HERC2: variants seen among roughly 807,000 people sequenced by gnomAD.
HERC2 encodes the protein E3 ubiquitin-protein ligase HERC2.
In HERC2, 102 loss-of-function variants were observed where a neutral mutation model predicts 537.7. The observed-to-expected ratio is 0.19, with a 90% CI of 0.16 to 0.22. HERC2 has a LOEUF of 0.22. Among genes scored for constraint, HERC2 ranks in the 10% least tolerant of loss-of-function variants. HERC2 has a pLI of 1.00. For synonymous variants in HERC2, 2,224 were observed against 2,466.2 expected, an observed-to-expected ratio of 0.90 and a Z score of 2.91; for missense variants, 4,236 against 6,198.2, an observed-to-expected ratio of 0.68 and a Z score of 10.63.
intron 83 of HERC2, among the ~76,000 whole-genome samples, chr15:28,128,470 A>G (rs1019652428): frequency 1.3e-5 from 2 of 152,220 alleles, no homozygotes; most frequent in Non-Finnish European, 2.9e-5. Context: ...AAAGAATTAA[A>G]TAAGTCAAAT....
At chr15:28,155,562 T>G (rs943812180) in intron 69 of HERC2, among the ~76,000 whole-genome samples, 4 of 151,178 alleles carry the variant, frequency 2.6e-5, no homozygotes, top group Non-Finnish European at 1.5e-5. Flanking sequence ...CATAAATGTC[T>G]TCTTTTGAGA....
At chr15:28,197,269 T>C (rs1314106768) in intron 50 of HERC2, among the ~76,000 whole-genome samples, 3 of 152,292 alleles carry the variant, frequency 2.0e-5, no homozygotes, top group East Asian at 3.9e-4. Flanking sequence ...CAAGAGTTTA[T>C]AAAACTATAC....
Position 28,280,216 on chromosome 15 carries a change from T to C in HERC2, c.394A>G (p.Thr132Ala). The C allele has an allele frequency of 6.2e-7, 1 of 1,614,142 alleles. No homozygotes were observed. Among genetic ancestry groups the C allele is most frequent in the East Asian group, 2.2e-5 (1 of 44,878 alleles). Residue 132 changes from threonine (T) to alanine (A), a missense_variant, in exon 5 of 93, where the codon ACC becomes GCC. By Grantham distance (58) the Thr-to-Ala change is moderately conservative. Coordinates refer to ENST00000261609, the MANE Select transcript of HERC2 (RefSeq NM_004667.6). ...AGTCGCAGGGCTGAGAGGGTGGTGG[T>C]GGCTGACTGGACGGCCAGGGCCTGC... ...EQQALAVQSA[T>A]TTLSALRLKQ...
Position 28,214,830 on chromosome 15 carries a change from G to C in HERC2, c.6211-28C>G, listed in dbSNP as rs73362649. On this transcript the variant is annotated intron_variant, in intron 39 of 92. Transcript: ENST00000261609. The stretch of plus-strand genomic sequence containing the variant: ...GATAAAAGAAAATTTATAACGACAA[G>C]CATTAAAAAAAATCTGATGAGGAAA... 7,148 of 1,576,828 alleles carry C rather than the reference G, an allele frequency of 4.5e-3. 276 individuals are homozygous for C. In the African/African-American group the frequency reaches 0.087, roughly 19 times the overall value.
intron 2 of HERC2, among the ~76,000 whole-genome samples, chr15:28,305,750 C>A (rs9708257): frequency 4.0e-4 from 56 of 140,976 alleles, no homozygotes; most frequent in African/African-American, 1.4e-3. Context: ...CAACCTACAA[C>A]ATGGGAGAAA....
At chr15:28,187,342 G>GT (rs879425849) in intron 55 of HERC2, among the ~76,000 whole-genome samples, 16 of 147,248 alleles carry the variant, frequency 1.1e-4, no homozygotes, top group Non-Finnish European at 1.7e-4. Flanking sequence ...TTGTTTTTTT[G>GT]TTTTTTTTGA....
At position 28,214,184 on chromosome 15, in the gene HERC2, C is replaced by T; in HGVS notation, c.6447G>A (p.Leu2149=). 1 of 1,612,850 alleles carries T rather than the reference C, an allele frequency of 6.2e-7. No homozygotes were observed. The highest frequency in any genetic ancestry group is 8.5e-7 in the Non-Finnish European group (1 of 1,179,938). Residue 2149 remains leucine, a synonymous_variant, in exon 41 of 93, where the codon CTG becomes CTA. Coordinates refer to ENST00000261609, the MANE Select transcript of HERC2 (RefSeq NM_004667.6). ...SSTLAEEVVA[L]LRTLHSLTQW... is the part of the protein sequence containing the mutation. ...GAGTCAGGGAGTGCAGCGTGCGCAG[C>T]AGTGCCACCACCTCCTCCGCCAGTG...
intron 79 of HERC2, among the ~76,000 whole-genome samples, chr15:28,133,170 C>T (rs1244613365): frequency 6.6e-6 from 1 of 152,120 alleles, no homozygotes; most frequent in East Asian, 1.9e-4. Flanking sequence ...ATATGCAACT[C>T]CTAAAATAGT....
chr15:28,318,156 T>C (rs1385386473), intron 2 of HERC2, among the ~76,000 whole-genome samples: 3 of 152,174 alleles, frequency 2.0e-5, no homozygotes, highest in African/African-American at 7.2e-5. Context: ...ATAGTTCCTT[T>C]GCTTAACTGA....
intron 52 of HERC2, among the ~76,000 whole-genome samples, chr15:28,193,123 C>T (rs962997889): frequency 2.0e-5 from 3 of 152,060 alleles, no homozygotes; most frequent in African/African-American, 7.2e-5. Flanking sequence ...AATACAATGT[C>T]CAGTACATAA....
Position 28,142,931 on chromosome 15 carries a change from C to G in HERC2, c.11440G>C (p.Ala3814Pro). ...RALSFTGSAL[A>P]ALVKGLPEAL... ...TCTGGAAGACCTTTCACCAAAGCAG[C>G]AAGAGCACTACCTGTAAAACTCTAA... The change falls in exon 75 of 93, where the codon GCT becomes CCT. Residue 3814 changes from alanine to proline, a missense_variant. Ala to Pro is a conservative substitution (Grantham distance 27). Around this residue, in one of 27 missense-constraint regions of HERC2, gnomAD observed 23 missense variants for 60.0 expected, o/e 0.38. Coordinates refer to ENST00000261609, the MANE Select transcript of HERC2 (RefSeq NM_004667.6). 3.1e-6 allele frequency: 5 copies of G among 1,608,360 alleles called. No homozygotes were observed. The highest frequency in any genetic ancestry group is 4.2e-6 in the Non-Finnish European group (5 of 1,176,936).
Position 28,273,007 on chromosome 15 carries a change from GA to G in HERC2, c.801-4del. On this transcript the variant is annotated splice_region_variant and splice_polypyrimidine_tract_variant and intron_variant, in intron 7 of 92. Coordinates refer to ENST00000261609, the MANE Select transcript of HERC2 (RefSeq NM_004667.6). ...TGGCTGGCGTTCCGTGAACATCCCT[GA>G]AATGAAAGCAGTGGATGCAGGAACA... The G allele has an allele frequency of 6.2e-7, 1 of 1,610,372 alleles. No individual in the cohort carries two copies. Among genetic ancestry groups the G allele is most frequent in the Non-Finnish European group, 8.5e-7 (1 of 1,178,192 alleles).
intron 44 of HERC2, among the ~76,000 whole-genome samples, chr15:28,208,551 G>C (rs1898740946): frequency 6.6e-6 from 1 of 152,108 alleles, no homozygotes; most frequent in African/African-American, 2.4e-5. Context: ...CCCTACCACA[G>C]CTTTCCAAGT....
chr15:28,300,052 TAAAAAAAAAA>T (rs34917808), intron 2 of HERC2, among the ~76,000 whole-genome samples: 2 of 126,284 alleles, frequency 1.6e-5, no homozygotes, highest in Non-Finnish European at 3.2e-5. Context: ...GACTCGGTGT[TAAAAAAAAAA>T]AAAAAAGAAA....
At chr15:28,260,531 G>A (rs1162759392) in intron 16 of HERC2, among the ~76,000 whole-genome samples, 1 of 152,154 alleles carries the variant, frequency 6.6e-6, no homozygotes, top group Non-Finnish European at 1.5e-5. Flanking sequence ...ATCAGGCCGG[G>A]AAAAGACATA....
chr15:28,144,310 A>C, intron 72 of HERC2, 75 bp from the exon 73 acceptor site: 2 of 1,517,084 alleles, frequency 1.3e-6, no homozygotes, highest in East Asian at 2.3e-5. Context: ...CCAACGAACA[A>C]GGGTGGCTCC....
intron 57 of HERC2, 37 bp from the exon 58 acceptor site, chr15:28,179,260 G>GA (rs749178359): frequency 6.8e-7 from 1 of 1,463,530 alleles, no homozygotes; most frequent in Non-Finnish European, 9.4e-7. Flanking sequence ...AAAAAGAAAA[G>GA]AAAATTTTAC....
At chr15:28,277,368 G>GTCGCA (rs1264779080) in intron 5 of HERC2, among the ~76,000 whole-genome samples, 1 of 151,606 alleles carries the variant, frequency 6.6e-6, no homozygotes, top group Non-Finnish European at 1.5e-5. Context: ...TGATGACTGT[G>GTCGCA]TCACAGTTTG....
intron 2 of HERC2, among the ~76,000 whole-genome samples, chr15:28,319,555 A>G (rs1184600699): frequency 6.9e-6 from 1 of 145,478 alleles, no homozygotes; most frequent in Non-Finnish European, 1.5e-5. Flanking sequence ...ACTGCACGCC[A>G]GCCTGGGCGA....
Sources: gnomAD v4.1 joint callset for allele counts (sites outside exome capture counted in the v4.1 genomes callset) on GRCh38, gnomAD v4.1.1 for gene constraint, gnomAD v4.1.1 regional missense constraint, MANE v1.5 for transcripts, NCBI Gene and HGNC (gene_info 2026-07-23, HGNC 2026-07-21) for gene names.